PBRM1: variants seen among roughly 807,000 people sequenced by gnomAD.
PBRM1 encodes protein polybromo-1.
A neutral mutation model predicts 194.5 loss-of-function variants in PBRM1; 27 were observed. The ratio of observed to expected loss-of-function variants is 0.14; its 90% CI spans 0.10 to 0.19. The LOEUF is 0.19. Among genes scored for constraint, PBRM1 ranks in the 10% least tolerant of loss-of-function variants. PBRM1 has a pLI of 1.00. For missense variants in PBRM1, 1,466 were observed against 2,077.2 expected (o/e 0.71, Z 5.72); for synonymous variants, 655 against 693.2 (o/e 0.94, Z 0.87).
chr3:52,575,043 G>A (rs2088989796), intron 22 of PBRM1, among the ~76,000 whole-genome samples: 1 of 151,954 alleles, frequency 6.6e-6, no homozygotes, highest in South Asian at 2.1e-4. Flanking sequence ...CTGGGACCAT[G>A]GATATAGACC....
chr3:52,609,571 T>G lies in PBRM1; in HGVS notation c.2309A>C (p.His770Pro). 1 of 1,613,702 alleles carries G rather than the reference T, an allele frequency of 6.2e-7. No individual in the cohort carries two copies. The highest frequency in any genetic ancestry group is 8.5e-7 in the Non-Finnish European group (1 of 1,179,776). Residue 770 changes from histidine (H) to proline (P), a missense_variant, in exon 16 of 30, where the codon CAT becomes CCT. This residue lies in a region of PBRM1 where 687 missense variants were observed against 946.2 expected (regional missense o/e 0.73). Coordinates refer to ENST00000296302, the Ensembl canonical transcript of PBRM1. This position sits in a 1 kb window ranked among gnomAD's most constrained non-coding sequence, Gnocchi z 4.1. ...AATCAGCAAAGTCACATTTGGGACATGAGAGTCCTCATCTCCCTCCAGGTC... is the reference window on the plus strand; with the variant it reads ...AATCAGCAAAGTCACATTTGGGACAGGAGAGTCCTCATCTCCCTCCAGGTC...
At chr3:52,577,149 G>A (rs767675575) in intron 21 of PBRM1, among the ~76,000 whole-genome samples, 3 of 152,108 alleles carry the variant, frequency 2.0e-5, no homozygotes, top group Non-Finnish European at 4.4e-5. Context: ...TAATATCCCT[G>A]GCTGGGCCCA....
At chr3:52,668,798 AAG>A (rs1553884161) in intron 2 of PBRM1, among the ~76,000 whole-genome samples, 153 bp from the exon 4 acceptor site, 1 of 151,252 alleles carries the variant, frequency 6.6e-6, no homozygotes, top group Non-Finnish European at 1.5e-5. Context: ...AAAAAAAAAA[AAG>A]AAAAAAATCT....
intron 13 of PBRM1, among the ~76,000 whole-genome samples, chr3:52,622,082 G>C (rs1209645411): frequency 6.6e-6 from 1 of 151,834 alleles, no homozygotes; most frequent in Non-Finnish European, 1.5e-5. Context: ...GCTCACACAT[G>C]TAATCCCAGC....
intron 22 of PBRM1, 109 bp from the exon 25 acceptor site, chr3:52,564,342 T>TG: frequency 1.2e-6 from 1 of 819,958 alleles, no homozygotes; most frequent in Non-Finnish European, 2.0e-6. Context: ...AATTAACAAT[T>TG]TTAAAGATAT....
chr3:52,586,748 CAAAAAA>C (rs35352950), intron 19 of PBRM1, 60 bp from the exon 22 acceptor site: 22 of 180,350 alleles, frequency 1.2e-4, no homozygotes, highest in South Asian at 3.1e-4. Context: ...GAAAATCAAT[CAAAAAA>C]AAAAAAAAAA....
intron 5 of PBRM1, among the ~76,000 whole-genome samples, chr3:52,657,837 G>A (rs1193914615): frequency 2.0e-5 from 3 of 148,826 alleles, no homozygotes; most frequent in Non-Finnish European, 4.4e-5. Flanking sequence ...GCCCAGGCTG[G>A]AGTGCAATGG....
At chr3:52,589,093 T>G (rs960330741) in exon 18 of PBRM1, 1 of 1,613,682 alleles carries the variant, frequency 6.2e-7, no homozygotes, top group Non-Finnish European at 8.5e-7. Flanking sequence ...CCACAGTCTT[T>G]CAATACAGAC....
At chr3:52,625,751 AT>A (rs1423168820) in intron 13 of PBRM1, among the ~76,000 whole-genome samples, 1 of 151,598 alleles carries the variant, frequency 6.6e-6, no homozygotes, top group Admixed American at 6.6e-5. Flanking sequence ...ATTTTTTTGT[AT>A]TTTTAGTAGA....
chr3:52,674,113 A>G (rs2097024805), intron 2 of PBRM1, among the ~76,000 whole-genome samples: 1 of 151,804 alleles, frequency 6.6e-6, no homozygotes, highest in Non-Finnish European at 1.5e-5. Context: ...AGAGAATAGA[A>G]AAACAATTTT....
At position 52,609,457 on chromosome 3, in the gene PBRM1, G is replaced by C; in HGVS notation, c.2423C>G (p.Pro808Arg). ...GTTAGGAAAGTTGGGATCCACAGCA[G>C]GAATTTCTGCTAAAGAATCGCTGTA... Residue 808 changes from proline (P) to arginine (R), a missense_variant, in exon 16 of 30, where the codon CCT (proline) becomes CGT (arginine). Around this residue, in one of 5 missense-constraint regions of PBRM1, gnomAD observed 687 missense variants for 946.2 expected, o/e 0.73. Coordinates refer to ENST00000296302, the Ensembl canonical transcript of PBRM1. This position sits in a 1 kb window ranked among gnomAD's most constrained non-coding sequence, Gnocchi z 4.1. 1 of 1,614,078 alleles carries C rather than the reference G, an allele frequency of 6.2e-7. No individual in the cohort carries two copies. The highest frequency in any genetic ancestry group is 1.7e-5 in the Admixed American group (1 of 60,022).
chr3:52,567,278 A>AT (rs1490502115), intron 22 of PBRM1, among the ~76,000 whole-genome samples: 4 of 152,118 alleles, frequency 2.6e-5, no homozygotes, highest in Non-Finnish European at 5.9e-5. Flanking sequence ...TTGTTTCCCA[A>AT]TGTTTGCTCT....
At position 52,609,635 on chromosome 3, in the gene PBRM1, C is replaced by T; in HGVS notation, c.2245G>A (p.Ala749Thr). 1.2e-6 allele frequency: 2 copies of T among 1,612,620 alleles called. No individual in the cohort carries two copies. Among genetic ancestry groups the T allele is most frequent in the Non-Finnish European group, 1.7e-6 (2 of 1,178,812 alleles). ...AGCAGGACTTTGTGTAGAACAAGAG[C>T]ATCTTTGTAGATCAAAGACTCCGGC... Residue 749 changes from alanine (A) to threonine (T), a missense_variant, in exon 16 of 30, where the codon GCT becomes ACT. Ala to Thr is a moderately conservative substitution (Grantham distance 58). Transcript: ENST00000296302. The surrounding 1 kb of genome is among the most constrained non-coding windows in gnomAD (Gnocchi z 4.1).
chr3:52,644,674 C>T lies in PBRM1; in HGVS notation c.899+30G>A, dbSNP rs200410146. ...CTGAGATTACAGGCATGAGCCACCA[C>T]GCCCAGCCTAGACATTTTCTTAAAC... On this transcript the variant is annotated intron_variant, in intron 8 of 29. Coordinates refer to ENST00000296302, the Ensembl canonical transcript of PBRM1. The T allele has an allele frequency of 2.6e-4, 298 of 1,125,052 alleles. No homozygotes were observed. In the Middle Eastern group the frequency reaches 8.9e-3, roughly 34 times the overall value. The allele number at this position is 1,125,052 out of a possible 1,614,324, so 69.7% of individuals were successfully genotyped here.
chr3:52,618,275 T>A (rs1028889069), intron 13 of PBRM1, among the ~76,000 whole-genome samples: 2 of 152,200 alleles, frequency 1.3e-5, no homozygotes, highest in African/African-American at 4.8e-5. Context: ...GAGAAGCTGA[T>A]TTAAGCAGTA....
intron 15 of PBRM1, among the ~76,000 whole-genome samples, chr3:52,612,258 C>CAAAAAAAAAAA (rs566481465): frequency 0.023 from 546 of 24,004 alleles, 81 homozygotes; most frequent in Non-Finnish European, 0.027. Flanking sequence ...GATTCCGTCT[C>CAAAAAAAAAAA]AAAAAAAAAA....
rs1459389691 is a variant in PBRM1 at position 52,588,558 on chromosome 3, T to C, written c.2965+512A>G. ...TAAGAAGCTGTATTTCTTTCTTTTTTTTTTTTTTTTTTTTTGAGACAGTCT... is the reference window on the plus strand; with the variant it reads ...TAAGAAGCTGTATTTCTTTCTTTTTCTTTTTTTTTTTTTTTGAGACAGTCT... On this transcript the variant is annotated intron_variant, in intron 18 of 29. Coordinates refer to ENST00000296302, the Ensembl canonical transcript of PBRM1. Among the ~76,000 whole-genome samples, 21 of 116,604 alleles carry C rather than the reference T, an allele frequency of 1.8e-4. 1 individual carries two copies. The highest frequency in any genetic ancestry group is 1.0e-3 in the South Asian group (4 of 3,814). The allele number at this position is 116,604 out of a possible 152,430, so 76.5% of individuals were successfully genotyped here.
intron 17 of PBRM1, among the ~76,000 whole-genome samples, chr3:52,601,731 G>A (rs769942794): frequency 6.6e-6 from 1 of 152,120 alleles, no homozygotes; most frequent in Non-Finnish European, 1.5e-5. Context: ...CAATTCCTGG[G>A]ACTCCAGCTG....
intron 22 of PBRM1, among the ~76,000 whole-genome samples, chr3:52,575,457 T>C (rs976610081): frequency 6.6e-6 from 1 of 150,468 alleles, no homozygotes; most frequent in Non-Finnish European, 1.5e-5. Flanking sequence ...AAATTGTTCC[T>C]GAGAAATTCC....
Sources: allele counts gnomAD v4.1 joint callset (sites outside exome capture counted in the v4.1 genomes callset), GRCh38; gene constraint gnomAD v4.1.1; regional missense constraint gnomAD v4.1.1; non-coding constraint Gnocchi (gnomAD v3.1); transcripts MANE v1.5; gene names NCBI Gene and HGNC (gene_info 2026-07-23, HGNC 2026-07-21).